MAN2A1: variants seen among roughly 807,000 people sequenced by gnomAD.
MAN2A1 encodes the protein mannosidase alpha class 2A member 1.
MAN2A1 carries 76 observed loss-of-function variants against 142.6 expected under a neutral mutation model. The ratio of observed to expected loss-of-function variants is 0.53; its 90% CI spans 0.44 to 0.65. MAN2A1 has a LOEUF of 0.65. Among genes scored for constraint, MAN2A1 ranks in the 30% least tolerant of loss-of-function variants. The pLI is 0.00. For synonymous variants in MAN2A1, 559 were observed against 473.2 expected, an observed-to-expected ratio of 1.18 and a Z score of -2.35; for missense variants, 1,311 against 1,365.1, an observed-to-expected ratio of 0.96 and a Z score of 0.62.
chr5:109,725,178 C>T (rs778721864), intron 3 of MAN2A1, among the ~76,000 whole-genome samples: 3 of 152,190 alleles, frequency 2.0e-5, no homozygotes, highest in Non-Finnish European at 2.9e-5. Context: ...AAATAAATTA[C>T]TAAAGAAAAA....
At chr5:109,717,207 CT>C (rs1233946143) in intron 3 of MAN2A1, among the ~76,000 whole-genome samples, 3 of 152,042 alleles carry the variant, frequency 2.0e-5, no homozygotes, top group Non-Finnish European at 2.9e-5. Flanking sequence ...TTTTTCTTTG[CT>C]TCCAGCATTC....
At chr5:109,715,989 A>G (rs931555724) in intron 2 of MAN2A1, 131 bp from the exon 3 acceptor site, 8 of 548,168 alleles carry the variant, frequency 1.5e-5, no homozygotes, top group Admixed American at 1.1e-4. Context: ...AAACTCCTCA[A>G]TGTCTACAGA....
chr5:109,735,010 T>G (rs1481509978), intron 4 of MAN2A1, among the ~76,000 whole-genome samples: 1 of 152,156 alleles, frequency 6.6e-6, no homozygotes, highest in Non-Finnish European at 1.5e-5. Flanking sequence ...GAGTCTTAAG[T>G]CTCTTTATAG....
chr5:109,864,992 G>T, intron 20 of MAN2A1, 44 bp from the exon 21 acceptor site: 1 of 1,271,868 alleles, frequency 7.9e-7, no homozygotes. Flanking sequence ...ATAAATATTT[G>T]CTTTATTGTC....
chr5:109,758,320 C>T (rs970688476), intron 5 of MAN2A1, among the ~76,000 whole-genome samples: 2 of 151,964 alleles, frequency 1.3e-5, no homozygotes, highest in Non-Finnish European at 2.9e-5. Flanking sequence ...GCGTATAGAT[C>T]TTTTAAGGAT....
chr5:109,721,107 A>G (rs988416845), intron 3 of MAN2A1, among the ~76,000 whole-genome samples: 1 of 152,208 alleles, frequency 6.6e-6, no homozygotes, highest in African/African-American at 2.4e-5. Context: ...TGGTAAATGA[A>G]GCCACATTTA....
intron 19 of MAN2A1, among the ~76,000 whole-genome samples, chr5:109,849,548 C>G (rs924706269): frequency 6.6e-6 from 1 of 152,158 alleles, no homozygotes; most frequent in Non-Finnish European, 1.5e-5. Flanking sequence ...CATCACCTAT[C>G]TATCTCATTG....
rs1326887500 is a variant in MAN2A1, at chr5:109,715,295, AT to A, written c.391-817del. On this transcript the variant is annotated intron_variant, in intron 2 of 21. Transcript: ENST00000261483. ...TTCATATAATTTGTTTGGCCTTTAAATTTTTTTTATAACTTATATTTGGATG... is the reference window on the plus strand; with the variant it reads ...TTCATATAATTTGTTTGGCCTTTAAATTTTTTTATAACTTATATTTGGATG... 4.0e-5 allele frequency among the ~76,000 whole-genome samples: 6 copies of A among 151,216 alleles called. No homozygotes were observed. The South Asian group carries it at 1.1e-3, about 27-fold the overall frequency.
chr5:109,798,473 TG>T lies in MAN2A1; in HGVS notation c.1943+8947del, dbSNP rs200531075. ...TGTTTAAAACGGAACTCCTCTTCCC[TG>T]CTTGAACCTGTTCTGTGGTCCCAAG... On this transcript the variant is annotated intron_variant, in intron 12 of 21. Coordinates refer to ENST00000261483, the MANE Select transcript of MAN2A1 (RefSeq NM_002372.4). Among the ~76,000 whole-genome samples the T allele has an allele frequency of 1.1e-3, 170 of 152,330 alleles. 1 individual carries two copies. The East Asian group carries it at 0.029, about 26-fold the overall frequency.
At chr5:109,701,839 G>A (rs1424732646) in intron 1 of MAN2A1, among the ~76,000 whole-genome samples, 1 of 152,172 alleles carries the variant, frequency 6.6e-6, no homozygotes, top group Non-Finnish European at 1.5e-5. Context: ...TTGGGGTGTT[G>A]GAGACTGGTT....
chr5:109,800,873 A>G (rs935466039), intron 12 of MAN2A1, among the ~76,000 whole-genome samples: 2 of 152,234 alleles, frequency 1.3e-5, no homozygotes, highest in Admixed American at 6.5e-5. Flanking sequence ...AGTGAAAATT[A>G]TGAGAAAAAG....
At position 109,755,323 on chromosome 5, in the gene MAN2A1, C is replaced by G; in HGVS notation, c.708-6C>G. ...TTAATGTAGACTCTTGTTATTTTCT[C>G]TCTAGTTTAATAGAAAATGGTCAGC... On this transcript the variant is annotated splice_region_variant and splice_polypyrimidine_tract_variant and intron_variant, in intron 4 of 21. Transcript: ENST00000261483. 1 of 1,606,150 alleles carries G rather than the reference C, an allele frequency of 6.2e-7. No homozygotes were observed. The highest frequency in any genetic ancestry group is 8.5e-7 in the Non-Finnish European group (1 of 1,173,726).
chr5:109,824,466 A>G (rs1754707982), intron 16 of MAN2A1, among the ~76,000 whole-genome samples: 1 of 152,156 alleles, frequency 6.6e-6, no homozygotes, highest in Admixed American at 6.5e-5. Context: ...AGACTTGCAC[A>G]TTTAGGTTGG....
At chr5:109,842,806 G>GTTTTTCTTTTTTTT (rs1755242387) in intron 17 of MAN2A1, among the ~76,000 whole-genome samples, 1 of 116,214 alleles carries the variant, frequency 8.6e-6, no homozygotes, top group Non-Finnish European at 1.7e-5. Context: ...TACTTATTGG[G>GTTTTTCTTTTTTTT]TTTTTTTTTT....
intron 20 of MAN2A1, among the ~76,000 whole-genome samples, chr5:109,857,897 A>G (rs1325638032): frequency 6.6e-6 from 1 of 152,062 alleles, no homozygotes; most frequent in Non-Finnish European, 1.5e-5. Context: ...GTGACTGCTG[A>G]CTCAGCTACC....
At chr5:109,772,450 G>C (rs10057295) in intron 7 of MAN2A1, among the ~76,000 whole-genome samples, 12,728 of 152,206 alleles carry the variant, frequency 0.084, 629 homozygotes, top group African/African-American at 0.15. Flanking sequence ...TATCACCTTC[G>C]TTTTGACCTG....
At chr5:109,784,719 A>G in intron 9 of MAN2A1, 25 bp from the exon 10 acceptor site, 1 of 1,518,198 alleles carries the variant, frequency 6.6e-7, no homozygotes, top group Non-Finnish European at 8.8e-7. Context: ...GTTTTAAAAT[A>G]AAAATATGAC....
At chr5:109,733,204 C>T (rs1020517273) in intron 4 of MAN2A1, among the ~76,000 whole-genome samples, 7 of 152,160 alleles carry the variant, frequency 4.6e-5, no homozygotes, top group East Asian at 1.9e-4. Context: ...GATTTTTGTA[C>T]GTTGATTTTG....
chr5:109,693,673 CTG>C (rs1750735166), intron 1 of MAN2A1, among the ~76,000 whole-genome samples: 1 of 152,014 alleles, frequency 6.6e-6, no homozygotes, highest in Non-Finnish European at 1.5e-5. Flanking sequence ...CAAGAGTGGG[CTG>C]GCCGAGGGTG....
Sources: gnomAD v4.1 joint callset for allele counts (sites outside exome capture counted in the v4.1 genomes callset) on GRCh38, gnomAD v4.1.1 for gene constraint, MANE v1.5 for transcripts, NCBI Gene and HGNC (gene_info 2026-07-23, HGNC 2026-07-21) for gene names.